Variants in WDR90 observed in about 807,000 individuals in gnomAD.
WDR90 encodes the protein WD repeat-containing protein 90.
A neutral mutation model predicts 195.2 loss-of-function variants in WDR90; 238 were observed. That is an observed-to-expected ratio of 1.22 (90% confidence interval 1.10 to 1.36). The LOEUF is 1.36. Ranked by LOEUF, WDR90 falls within the 40% of genes most tolerant of loss-of-function variation. The pLI is 0.00. For missense variants in WDR90, 2,734 were observed against 2,439.5 expected (o/e 1.12, Z -2.54); for synonymous variants, 1,265 against 1,052.4 (o/e 1.20, Z -3.91).
upstream of WDR90, chr16:649,363 G>C: frequency 7.5e-7 from 1 of 1,328,048 alleles, no homozygotes; most frequent in South Asian, 1.9e-5. Flanking sequence ...GTCGCGGGGC[G>C]TACTCTGCGC....
chr16:661,007 C>CCCCCCT (rs2037894129), intron 28 of WDR90, 44 bp from the exon 29 acceptor site: 1 of 137,752 alleles, frequency 7.3e-6, no homozygotes. Flanking sequence ...CCCGCCCCCC[C>CCCCCCT]CCCCCCCCGG....
At chr16:657,540 A>G (rs1214520206) in intron 20 of WDR90, among the ~76,000 whole-genome samples, 1 of 152,180 alleles carries the variant, frequency 6.6e-6, no homozygotes, top group Non-Finnish European at 1.5e-5. Flanking sequence ...GGGCCCCCTG[A>G]GTGGTCACTT....
At chr16:662,956 T>A in intron 34 of WDR90, 112 bp downstream of exon 34, 1 of 1,472,568 alleles carries the variant, frequency 6.8e-7, no homozygotes, top group Non-Finnish European at 9.2e-7. Context: ...CGTCACTGGC[T>A]CGCAGCGGCC....
At chr16:659,510 TGGGGTCGGGGTG>T in intron 26 of WDR90, 134 bp downstream of exon 26, 2 of 1,225,106 alleles carry the variant, frequency 1.6e-6, no homozygotes, top group Non-Finnish European at 2.3e-6. Context: ...TGGAACACAG[TGGGGTCGGGGTG>T]GGGGCAGCTT....
At chr16:654,831 G>A in intron 13 of WDR90, 198 bp from the exon 14 acceptor site, 1 of 594,650 alleles carries the variant, frequency 1.7e-6, no homozygotes, top group Non-Finnish European at 3.0e-6. Context: ...CAGCATTGCG[G>A]GTCTCTGTAG....
rs755649419 is a variant in WDR90 at position 656,785 on chromosome 16, C to A, written c.2256C>A (p.Pro752=). Residue 752 remains proline, a synonymous_variant, in exon 19 of 41, where the codon CCC becomes CCA. Transcript: ENST00000293879. ...EDAPCAVTFH[P]TRPTFFCGFS... Reference sequence around the variant, plus strand: ...CCCCGTGCGCTGTCACCTTCCACCCCACAAGGCCAACCTTTTTCTGTGGCT... The same window carrying A: ...CCCCGTGCGCTGTCACCTTCCACCCAACAAGGCCAACCTTTTTCTGTGGCT... 1.2e-6 allele frequency: 2 copies of A among 1,613,276 alleles called. No individual in the cohort carries two copies. The highest frequency in any genetic ancestry group is 8.5e-7 in the Non-Finnish European group (1 of 1,179,976).
rs143792399 is a variant in WDR90 at position 662,535 on chromosome 16, G to A, written c.4146-144G>A. ...ATGGGCCCAGAAGCCCCAGCTCCAT[G>A]GGCTTTCTCTTCTTCCACCGGGAGG... On this transcript the variant is annotated intron_variant, in intron 33 of 40. Coordinates refer to ENST00000293879, the MANE Select transcript of WDR90 (RefSeq NM_145294.5). 3 of 1,287,824 alleles carry A rather than the reference G, an allele frequency of 2.3e-6. No individual in the cohort carries two copies. In the African/African-American group the frequency reaches 4.5e-5, roughly 19 times the overall value. The allele number at this position is 1,287,824 out of a possible 1,614,324, so 79.8% of individuals were successfully genotyped here.
Position 662,750 on chromosome 16 carries a change from A to G in WDR90, c.4217A>G (p.Asp1406Gly). 6.2e-7 allele frequency: 1 copy of G among 1,605,100 alleles called. No homozygotes were observed. The highest frequency in any genetic ancestry group is 8.5e-7 in the Non-Finnish European group (1 of 1,174,636). ...VVSASFDDSV[D>G]MGVVGTTAGT... ...AGTGCCAGCTTCGATGACAGCGTGGACATGGGCGTCGTGGGCACCACGGCG... is the reference window on the plus strand; with the variant it reads ...AGTGCCAGCTTCGATGACAGCGTGGGCATGGGCGTCGTGGGCACCACGGCG... The change falls in exon 34 of 41, where the codon GAC (aspartate) becomes GGC (glycine). Residue 1406 changes from aspartate to glycine, a missense_variant. Asp to Gly is a moderately conservative substitution (Grantham distance 94). Transcript: ENST00000293879.
At position 656,722 on chromosome 16, in the gene WDR90, T is replaced by A; in HGVS notation, c.2203-10T>A. 2 of 1,609,932 alleles carry A rather than the reference T, an allele frequency of 1.2e-6. No homozygotes were observed. Among genetic ancestry groups the A allele is most frequent in the Non-Finnish European group, 1.7e-6 (2 of 1,177,912 alleles). On this transcript the variant is annotated splice_polypyrimidine_tract_variant and intron_variant, in intron 18 of 40. Coordinates refer to ENST00000293879, the MANE Select transcript of WDR90 (RefSeq NM_145294.5). ...CCTGCCCTCCCCTCAGCACGGCCCC[T>A]GTCCCACAGCTATACGACTTCACAT...
chr16:659,948 G>C, intron 26 of WDR90, 110 bp from the exon 27 acceptor site: 1 of 842,870 alleles, frequency 1.2e-6, no homozygotes, highest in Non-Finnish European at 1.8e-6. Flanking sequence ...CCGCCGTGCA[G>C]TTCTCACTGT....
chr16:663,289 T>C, intron 34 of WDR90: 1 of 338,988 alleles, frequency 2.9e-6, no homozygotes, highest in South Asian at 2.2e-5. Flanking sequence ...AATACAAAAA[T>C]TAGCCGGGCC....
chr16:654,093 A>C (rs2037698412), intron 13 of WDR90: 1 of 460,004 alleles, frequency 2.2e-6, no homozygotes, highest in Non-Finnish European at 3.8e-6. Flanking sequence ...TGCGGTTGTA[A>C]GATTTTCACG....
At chr16:660,379 C>T (rs550811289) in intron 27 of WDR90, among the ~76,000 whole-genome samples, 22 of 152,282 alleles carry the variant, frequency 1.4e-4, no homozygotes, top group African/African-American at 4.6e-4. Context: ...GCTGACCTGC[C>T]TTCCCCTCTC....
Position 661,664 on chromosome 16 carries a change from C to T in WDR90, c.3741C>T (p.Arg1247=), listed in dbSNP as rs2037917935. ...TATYDLVSST[R]LPEPVHGVAF... ...CCTATGACCTCGTGTCCTCCACCCG[C>T]CTCCCGGAGCCGGTGCATGGTGTGG... Residue 1247 remains arginine (R), a synonymous_variant, in exon 31 of 41, where the codon CGC becomes CGT. Transcript: ENST00000293879. 1 of 1,611,594 alleles carries T rather than the reference C, an allele frequency of 6.2e-7. No homozygotes were observed. Among genetic ancestry groups the T allele is most frequent in the Non-Finnish European group, 8.5e-7 (1 of 1,179,506 alleles).
At chr16:666,146 G>T in intron 36 of WDR90, 22 bp downstream of exon 36, 1 of 1,607,378 alleles carries the variant, frequency 6.2e-7, no homozygotes, top group South Asian at 1.1e-5. Context: ...GGTGTGTTGG[G>T]GATGGTGCCG....
chr16:658,385 G>C, intron 22 of WDR90, 41 bp downstream of exon 22: 3 of 1,605,506 alleles, frequency 1.9e-6, no homozygotes, highest in Non-Finnish European at 2.6e-6. Flanking sequence ...GGCCCTCCCT[G>C]TGCTGTCCAG....
intron 21 of WDR90, 24 bp downstream of exon 21, chr16:657,916 C>G: frequency 3.3e-6 from 5 of 1,530,806 alleles, no homozygotes; most frequent in Non-Finnish European, 4.4e-6. Context: ...CCTCCTGGGT[C>G]CAGGGAGACT....
Position 657,748 on chromosome 16 carries a change from C to T in WDR90, c.2474-14C>T, listed in dbSNP as rs36022186. 396,322 of 1,538,844 alleles carry T rather than the reference C, an allele frequency of 0.26. 58,528 individuals are homozygous for T. Among genetic ancestry groups the T allele is most frequent in the East Asian group, 0.68 (27,512 of 40,612 alleles). The stretch of plus-strand genomic sequence containing the variant: ...ACTCCCCACCCAGCTGACCCCTGCC[C>T]CGTGTGGCCACAGCGGACATGGTAT... On this transcript the variant is annotated splice_polypyrimidine_tract_variant and intron_variant, in intron 20 of 40. Coordinates refer to ENST00000293879, the MANE Select transcript of WDR90 (RefSeq NM_145294.5).
chr16:650,716 G>T lies in WDR90; in HGVS notation c.559+7G>T. On this transcript the variant is annotated splice_region_variant and intron_variant, in intron 5 of 40. Coordinates refer to ENST00000293879, the MANE Select transcript of WDR90 (RefSeq NM_145294.5). Reference sequence around the variant, plus strand: ...GACCTGTGCTTTGAGCCTGGTGAGGGCCGCACCTGCACTCCCCACTCCATA... The same window carrying T: ...GACCTGTGCTTTGAGCCTGGTGAGGTCCGCACCTGCACTCCCCACTCCATA... 1.2e-6 allele frequency: 2 copies of T among 1,603,020 alleles called. No homozygotes were observed. Among genetic ancestry groups the T allele is most frequent in the South Asian group, 2.2e-5 (2 of 90,868 alleles).
Sources: allele counts gnomAD v4.1 joint callset (sites outside exome capture counted in the v4.1 genomes callset), GRCh38; gene constraint gnomAD v4.1.1; transcripts MANE v1.5; gene names NCBI Gene and HGNC (gene_info 2026-07-23, HGNC 2026-07-21).